SNX29: variants seen among roughly 807,000 people sequenced by gnomAD.
The protein encoded by SNX29 is sorting nexin-29.
Under a neutral mutation model 102.1 loss-of-function variants are expected in SNX29, and 78 were observed. That is an observed-to-expected ratio of 0.76 (90% CI 0.64 to 0.92). The LOEUF (loss-of-function observed/expected upper bound fraction) is 0.92, where lower values mean the gene tolerates loss of function less well. Ranked by LOEUF, SNX29 falls within the 40% of genes least tolerant of loss-of-function variation. The pLI, the probability that SNX29 is intolerant of heterozygous loss-of-function variation, is 0.00. For synonymous variants in SNX29, 580 were observed against 414.5 expected (o/e 1.40, Z -4.85); for missense variants, 1,280 against 1,061.7 (o/e 1.21, Z -2.86).
At chr16:12,462,402 C>G (rs1409862943) in intron 18 of SNX29, among the ~76,000 whole-genome samples, 1 of 152,094 alleles carries the variant, frequency 6.6e-6, no homozygotes, top group Non-Finnish European at 1.5e-5. Flanking sequence ...TTCACAGTGC[C>G]AACCAGGAGT....
intron 14 of SNX29, among the ~76,000 whole-genome samples, chr16:12,235,209 C>A (rs1381548039): frequency 6.6e-6 from 1 of 152,132 alleles, no homozygotes; most frequent in Non-Finnish European, 1.5e-5. Context: ...CTTTCTCTCT[C>A]TGTCCCTGGT....
intron 13 of SNX29, among the ~76,000 whole-genome samples, chr16:12,154,299 C>T (rs2055433991): frequency 6.6e-6 from 1 of 152,132 alleles, no homozygotes; most frequent in African/African-American, 2.4e-5. Flanking sequence ...AAAACTGCTC[C>T]TCCAGGCTTG....
chr16:12,530,712 T>C (rs890183858), intron 20 of SNX29, among the ~76,000 whole-genome samples: 4 of 152,130 alleles, frequency 2.6e-5, no homozygotes, highest in African/African-American at 7.2e-5. Context: ...GCCGCTACCA[T>C]GCCCAGCTAA....
At chr16:12,262,470 GTTA>G (rs2078804062) in intron 14 of SNX29, among the ~76,000 whole-genome samples, 1 of 152,222 alleles carries the variant, frequency 6.6e-6, no homozygotes, top group Non-Finnish European at 1.5e-5. Context: ...AGATGGTGGT[GTTA>G]TTTGAATTGG....
chr16:12,424,874 G>A (rs1415035607), intron 18 of SNX29, among the ~76,000 whole-genome samples: 1 of 152,218 alleles, frequency 6.6e-6, no homozygotes, highest in Non-Finnish European at 1.5e-5. Flanking sequence ...ATTACAGTCT[G>A]TAGTGAGGAG....
At chr16:12,429,544 C>G (rs1389808021) in intron 18 of SNX29, among the ~76,000 whole-genome samples, 1 of 152,212 alleles carries the variant, frequency 6.6e-6, no homozygotes, top group Non-Finnish European at 1.5e-5. Flanking sequence ...CCTGGGATTA[C>G]AGATGTGAGC....
intron 20 of SNX29, among the ~76,000 whole-genome samples, chr16:12,560,366 G>A (rs1349135500): frequency 6.6e-6 from 1 of 152,122 alleles, no homozygotes; most frequent in Non-Finnish European, 1.5e-5. Flanking sequence ...CTGGTGACAG[G>A]TTGTGCGCTC....
intron 13 of SNX29, among the ~76,000 whole-genome samples, chr16:12,169,732 G>A (rs1002339917): frequency 3.3e-5 from 5 of 152,096 alleles, no homozygotes; most frequent in African/African-American, 9.7e-5. Context: ...ATGGTTGTGT[G>A]TGCCTGTAAT....
intron 11 of SNX29, among the ~76,000 whole-genome samples, chr16:12,106,979 C>G (rs892712504): frequency 6.6e-6 from 1 of 151,802 alleles, no homozygotes; most frequent in Non-Finnish European, 1.5e-5. Context: ...CCATGCCCAG[C>G]TAATTTTGAA....
chr16:12,121,115 C>T (rs541278015), intron 11 of SNX29, among the ~76,000 whole-genome samples: 49 of 152,318 alleles, frequency 3.2e-4, no homozygotes, highest in Non-Finnish European at 5.6e-4. Context: ...CCAGGTCTCA[C>T]GTGTGTTCTG....
chr16:12,434,998 T>C (rs1159976656), intron 18 of SNX29, among the ~76,000 whole-genome samples: 1 of 152,004 alleles, frequency 6.6e-6, no homozygotes. Context: ...TGGTCATCTC[T>C]TCATGGGGAA....
At chr16:12,369,738 A>T (rs2082615288) in intron 16 of SNX29, among the ~76,000 whole-genome samples, 1 of 152,250 alleles carries the variant, frequency 6.6e-6, no homozygotes. Context: ...CCAGGGATAC[A>T]TAATAACCAC....
intron 1 of SNX29, among the ~76,000 whole-genome samples, chr16:11,991,994 CCTT>C (rs1420280673): frequency 1.3e-5 from 2 of 152,120 alleles, no homozygotes; most frequent in Non-Finnish European, 2.9e-5. Flanking sequence ...CTGTTGCAGT[CCTT>C]CTCATAAAAA....
At chr16:12,121,609 C>CT (rs1175400379) in intron 11 of SNX29, among the ~76,000 whole-genome samples, 1 of 152,190 alleles carries the variant, frequency 6.6e-6, no homozygotes, top group Non-Finnish European at 1.5e-5. Flanking sequence ...AGACTCGGCA[C>CT]TTTCTCTGTG....
intron 16 of SNX29, among the ~76,000 whole-genome samples, chr16:12,384,296 A>G (rs570399121): frequency 6.6e-6 from 1 of 152,104 alleles, no homozygotes; most frequent in African/African-American, 2.4e-5. Context: ...GAAACGTCCA[A>G]ATTTTCTCCA....
intron 18 of SNX29, among the ~76,000 whole-genome samples, chr16:12,404,165 A>T (rs974545241): frequency 6.6e-6 from 1 of 152,122 alleles, no homozygotes; most frequent in Non-Finnish European, 1.5e-5. Context: ...AGAGCCAGAG[A>T]ATTCTTTCCA....
At chr16:12,216,424 G>T (rs2077325056) in intron 14 of SNX29, among the ~76,000 whole-genome samples, 1 of 152,168 alleles carries the variant, frequency 6.6e-6, no homozygotes, top group Non-Finnish European at 1.5e-5. Flanking sequence ...GGGAAAATCA[G>T]ATGAAGGTAC....
chr16:12,556,971 C>A (rs1310106693), intron 20 of SNX29, among the ~76,000 whole-genome samples: 2 of 147,234 alleles, frequency 1.4e-5, no homozygotes, highest in Non-Finnish European at 3.0e-5. Context: ...ACTTCTGCCT[C>A]ATGAGTAGCT....
chr16:12,177,554 G>A (rs2076288745), intron 13 of SNX29, among the ~76,000 whole-genome samples: 1 of 152,174 alleles, frequency 6.6e-6, no homozygotes, highest in South Asian at 2.1e-4. Flanking sequence ...TTCTCTCACA[G>A]CTGCAGTGCT....
Sources: gnomAD v4.1 joint callset for allele counts (sites outside exome capture counted in the v4.1 genomes callset) on GRCh38, gnomAD v4.1.1 for gene constraint, MANE v1.5 for transcripts, NCBI Gene and HGNC (gene_info 2026-07-23, HGNC 2026-07-21) for gene names.